Variants in GNB4 observed in about 807,000 individuals in gnomAD.
GNB4 encodes G protein subunit beta 4.
In GNB4, 28 loss-of-function variants were observed where a neutral mutation model predicts 45.2. The ratio of observed to expected loss-of-function variants is 0.62; its 90% CI spans 0.46 to 0.85. GNB4 has a LOEUF of 0.85. GNB4 is among the 40% of genes least tolerant of loss of function. GNB4 has a pLI of 0.00. For synonymous variants in GNB4, 132 were observed against 143.7 expected (o/e 0.92, Z 0.58); for missense variants, 321 against 425.4 (o/e 0.75, Z 2.16).
intron 1 of GNB4, among the ~76,000 whole-genome samples, chr3:179,444,053 C>A (rs1207392478): frequency 1.3e-5 from 2 of 152,144 alleles, no homozygotes; most frequent in East Asian, 1.9e-4. Flanking sequence ...AACACACAAT[C>A]CCCCCGATTC....
chr3:179,416,606 C>T, intron 4 of GNB4, 50 bp from the exon 5 acceptor site: 1 of 1,181,750 alleles, frequency 8.5e-7, no homozygotes, highest in South Asian at 1.4e-5. Flanking sequence ...GAAAAAATAG[C>T]TTAAATTGGT....
At chr3:179,485,260 C>T in the GNB4 span, among the ~76,000 whole-genome samples, 3 of 152,076 alleles carry the variant, frequency 2.0e-5, no homozygotes, top group Non-Finnish European at 1.5e-5. Context: ...GATCCGCCCG[C>T]CTCGGCCTCC....
intron 2 of GNB4, among the ~76,000 whole-genome samples, chr3:179,422,258 T>C (rs969455065): frequency 6.6e-6 from 1 of 152,210 alleles, no homozygotes; most frequent in Non-Finnish European, 1.5e-5. Flanking sequence ...GCAGCAGTTA[T>C]GTGCAAAATT....
intron 8 of GNB4, chr3:179,410,727 T>G (rs1714627225): frequency 6.6e-6 from 1 of 152,168 alleles, no homozygotes; most frequent in African/African-American, 2.4e-5. Flanking sequence ...GCTTTAAGAC[T>G]TCAACATATA....
intron 1 of GNB4, among the ~76,000 whole-genome samples, chr3:179,426,755 T>G (rs182181007): frequency 1.4e-4 from 22 of 152,314 alleles, no homozygotes; most frequent in African/African-American, 5.1e-4. Flanking sequence ...AGTTATTCCT[T>G]AAGAAATTAT....
At chr3:179,401,351 T>C (rs938225669) in intron 9 of GNB4, 32 bp from the exon 10 acceptor site, 3 of 1,476,948 alleles carry the variant, frequency 2.0e-6, no homozygotes, top group African/African-American at 2.8e-5. Context: ...AAATTGGCAA[T>C]TGTAGGGTTT....
At chr3:179,489,804 T>C in the GNB4 span, among the ~76,000 whole-genome samples, 16,629 of 152,270 alleles carry the variant, frequency 0.11, 1,447 homozygotes, top group African/African-American at 0.24. Flanking sequence ...TCTCAGAGTG[T>C]ATCATATTAA....
At chr3:179,460,638 CTT>C in the GNB4 span, among the ~76,000 whole-genome samples, 11 of 151,628 alleles carry the variant, frequency 7.3e-5, no homozygotes, top group Non-Finnish European at 1.6e-4. Context: ...TTACTCTTAA[CTT>C]TGCCTTTTTG....
chr3:179,404,296 T>TTA, intron 9 of GNB4, among the ~76,000 whole-genome samples: 1 of 152,248 alleles, frequency 6.6e-6, no homozygotes, highest in South Asian at 2.1e-4. Context: ...AGAACATGGC[T>TTA]ACGGCAGGAG....
intron 1 of GNB4, among the ~76,000 whole-genome samples, chr3:179,430,707 T>G (rs1254168932): frequency 6.6e-6 from 1 of 151,840 alleles, no homozygotes; most frequent in Non-Finnish European, 1.5e-5. Context: ...TCCTCCCACT[T>G]TGGCCTCCCA....
chr3:179,483,126 A>T, the GNB4 span, among the ~76,000 whole-genome samples: 2 of 152,128 alleles, frequency 1.3e-5, no homozygotes, highest in Non-Finnish European at 2.9e-5. Flanking sequence ...GGACAATTTA[A>T]TTATTTTTTT....
intron 1 of GNB4, among the ~76,000 whole-genome samples, chr3:179,447,985 T>G (rs1350922542): frequency 6.6e-6 from 1 of 152,120 alleles, no homozygotes; most frequent in Non-Finnish European, 1.5e-5. Context: ...GGGAAGGAGT[T>G]ATCTGTTGCC....
chr3:179,464,880 G>A, the GNB4 span: 5 of 1,415,340 alleles, frequency 3.5e-6, no homozygotes, highest in Non-Finnish European at 5.0e-6. Flanking sequence ...ACCCCATGCG[G>A]TGTGTGGGAA....
intron 1 of GNB4, among the ~76,000 whole-genome samples, chr3:179,427,605 TAAAAAA>T (rs67400722): frequency 4.6e-5 from 6 of 129,730 alleles, no homozygotes; most frequent in East Asian, 2.4e-4. Context: ...ACTCTGGCTT[TAAAAAA>T]AAAAAAAAAA....
At chr3:179,416,387 T>G in intron 5 of GNB4, 106 bp downstream of exon 5, 3 of 660,854 alleles carry the variant, frequency 4.5e-6, no homozygotes, top group Non-Finnish European at 7.9e-6. Context: ...AACAATAAAT[T>G]TATCTCAGAA....
At chr3:179,432,462 C>T (rs1715334280) in intron 1 of GNB4, among the ~76,000 whole-genome samples, 1 of 152,078 alleles carries the variant, frequency 6.6e-6, no homozygotes, top group African/African-American at 2.4e-5. Context: ...ACCAATAAAG[C>T]ATGAATCTAG....
chr3:179,441,602 A>G lies in GNB4; in HGVS notation c.-43+9744T>C, dbSNP rs569774209. On this transcript the variant is annotated intron_variant, in intron 1 of 9. Transcript: ENST00000232564. ...TACAAAAACAAACAAACAAACAAAA[A>G]TTAGCCAGGCTGGGTGGCCGGCGCC... Among the ~76,000 whole-genome samples, 9 of 151,684 alleles carry G rather than the reference A, an allele frequency of 5.9e-5. No homozygotes were observed. In the South Asian group the frequency reaches 1.9e-3, roughly 32 times the overall value.
rs1257133135 is a variant in GNB4 at position 179,396,277 on chromosome 3, G to T, written c.*4936C>A. On this transcript the variant is annotated 3_prime_UTR_variant, in exon 10 of 10. Coordinates refer to ENST00000232564, the MANE Select transcript of GNB4 (RefSeq NM_021629.4). ...AACACGTTTACCCTTCCCATAATTAGACTACTACTGACATTCATGTTCAGT... is the reference window on the plus strand; with the variant it reads ...AACACGTTTACCCTTCCCATAATTATACTACTACTGACATTCATGTTCAGT... 1 of 152,106 alleles carries T rather than the reference G, an allele frequency of 6.6e-6. No homozygotes were observed. Among genetic ancestry groups the T allele is most frequent in the African/African-American group, 2.4e-5 (1 of 41,408 alleles). 9.4% of individuals were successfully genotyped at this position (152,106 alleles called of 1,614,324 possible).
the GNB4 span, among the ~76,000 whole-genome samples, chr3:179,473,206 C>A: frequency 6.6e-6 from 1 of 152,074 alleles, no homozygotes; most frequent in African/African-American, 2.4e-5. Context: ...CTACAGACAT[C>A]CCTTCCCTTA....
Sources: gnomAD v4.1 joint callset for allele counts (sites outside exome capture counted in the v4.1 genomes callset) on GRCh38, gnomAD v4.1.1 for gene constraint, MANE v1.5 for transcripts, NCBI Gene and HGNC (gene_info 2026-07-23, HGNC 2026-07-21) for gene names.